Variants in CERS6 observed in about 807,000 individuals in gnomAD.
CERS6 encodes LAG1 homolog, ceramide synthase 6.
Under a neutral mutation model 56.8 loss-of-function variants are expected in CERS6, and 26 were observed. That is an observed-to-expected ratio of 0.46 (90% confidence interval 0.34 to 0.63). The LOEUF is 0.63. CERS6 is among the 30% of genes least tolerant of loss of function. The pLI is 0.01. For synonymous variants in CERS6, 164 were observed against 173.3 expected (o/e 0.95, Z 0.42); for missense variants, 415 against 467.5 (o/e 0.89, Z 1.04).
intron 1 of CERS6, among the ~76,000 whole-genome samples, chr2:168,466,957 T>C (rs2105321469): frequency 6.6e-6 from 1 of 152,360 alleles, no homozygotes; most frequent in South Asian, 2.1e-4. Flanking sequence ...ACATCTTATC[T>C]TTGAGGTTTT....
In CERS6 at chr2:168,644,320, T is replaced by C. The variant is rs940595139; in HGVS notation, c.465+13278T>C. ...GGAGGTGAAGGGGAATAATAGAAAG[T>C]GGTAAGTCTGGAATGTGGGAAGAGT... On this transcript the variant is annotated intron_variant, in intron 4 of 9. Coordinates refer to ENST00000305747, the MANE Select transcript of CERS6 (RefSeq NM_203463.3). The C allele has an allele frequency of 2.4e-5, 24 of 984,570 alleles. No individual in the cohort carries two copies. In the Admixed American group the frequency reaches 8.0e-4, roughly 33 times the overall value. The allele number at this position is 984,570 out of a possible 1,614,324, so 61.0% of individuals were successfully genotyped here.
chr2:168,657,264 A>G (rs1421672668), intron 4 of CERS6, among the ~76,000 whole-genome samples: 1 of 152,128 alleles, frequency 6.6e-6, no homozygotes, highest in Admixed American at 6.5e-5. Flanking sequence ...TGATTGGTGC[A>G]CTCACAAACC....
chr2:168,669,293 A>C (rs769152730), intron 4 of CERS6, among the ~76,000 whole-genome samples: 1 of 152,210 alleles, frequency 6.6e-6, no homozygotes, highest in Non-Finnish European at 1.5e-5. Context: ...GAAAAGGTAG[A>C]TAGCTAAAAA....
intron 8 of CERS6, among the ~76,000 whole-genome samples, chr2:168,733,841 G>A (rs368576051): frequency 2.0e-5 from 3 of 152,152 alleles, no homozygotes; most frequent in Admixed American, 6.6e-5. Flanking sequence ...CATGCGTAAC[G>A]TGGCTTATCG....
At chr2:168,520,102 G>T (rs2105355731) in intron 1 of CERS6, among the ~76,000 whole-genome samples, 1 of 152,256 alleles carries the variant, frequency 6.6e-6, no homozygotes, top group Middle Eastern at 3.4e-3. Context: ...GTTAGTTTTT[G>T]ATTTTTTAAT....
rs563021757 is a variant in CERS6 at position 168,666,878 on chromosome 2, C to A, written c.466-24156C>A. Among the ~76,000 whole-genome samples, 3 of 152,186 alleles carry A rather than the reference C, an allele frequency of 2.0e-5. No homozygotes were observed. In the South Asian group the frequency reaches 6.2e-4, roughly 32 times the overall value. ...TTCATAAACTAAGAAGACACTGTTT[C>A]TCAAGGGCTCAAACGAGTTCTCATG... On this transcript the variant is annotated intron_variant, in intron 4 of 9. Coordinates refer to ENST00000305747, the MANE Select transcript of CERS6 (RefSeq NM_203463.3).
Position 168,773,766 on chromosome 2 carries a change from G to A in CERS6, c.*4104G>A, listed in dbSNP as rs1018374267. ...AATTGTGCCATTGTCAAAGTACCCC[G>A]TAGTGATGAGCACTGACTGGTTCAC... On this transcript the variant is annotated 3_prime_UTR_variant, in exon 10 of 10. Coordinates refer to ENST00000305747, the MANE Select transcript of CERS6 (RefSeq NM_203463.3). The A allele has an allele frequency of 6.6e-6, 1 of 152,186 alleles. No homozygotes were observed. Among genetic ancestry groups the A allele is most frequent in the African/African-American group, 2.4e-5 (1 of 41,440 alleles). The allele number at this position is 152,186 out of a possible 1,614,324, so 9.4% of individuals were successfully genotyped here.
chr2:168,542,721 TG>T (rs1695394957), intron 1 of CERS6, among the ~76,000 whole-genome samples: 1 of 151,214 alleles, frequency 6.6e-6, no homozygotes, highest in Non-Finnish European at 1.5e-5. Flanking sequence ...TTTTTGGAGA[TG>T]GAGTTGTGCT....
At chr2:168,607,511 AG>A (rs1684081066) in intron 3 of CERS6, among the ~76,000 whole-genome samples, 1 of 152,148 alleles carries the variant, frequency 6.6e-6, no homozygotes, top group Non-Finnish European at 1.5e-5. Context: ...CCTCCCAAGT[AG>A]CTGGGATTAC....
At chr2:168,737,437 T>G (rs1174233644) in intron 8 of CERS6, among the ~76,000 whole-genome samples, 1 of 152,230 alleles carries the variant, frequency 6.6e-6, no homozygotes, top group Non-Finnish European at 1.5e-5. Context: ...AAGTGCTACC[T>G]CTTTCAAATT....
chr2:168,474,893 C>T (rs1015577283), intron 1 of CERS6, among the ~76,000 whole-genome samples: 2 of 152,112 alleles, frequency 1.3e-5, no homozygotes, highest in African/African-American at 2.4e-5. Context: ...AATATCTGTC[C>T]TTGTATGGGG....
rs35961972 is a variant in CERS6, at chr2:168,652,575, T to TAA, written c.465+21546_465+21547dup. Among the ~76,000 whole-genome samples, 58 of 139,082 alleles carry TAA rather than the reference T, an allele frequency of 4.2e-4. 1 individual carries two copies. The highest frequency in any genetic ancestry group is 2.4e-3 in the South Asian group (11 of 4,492). 91.2% of individuals were successfully genotyped at this position (139,082 alleles called of 152,430 possible). ...TTTTAAAGCCAAGGGAAAAAAGTGTTAAAAAAAAAAAAAAGGAAAAATTAA... is the reference window on the plus strand; with the variant it reads ...TTTTAAAGCCAAGGGAAAAAAGTGTTAAAAAAAAAAAAAAAAGGAAAAATTAA... On this transcript the variant is annotated intron_variant, in intron 4 of 9. Coordinates refer to ENST00000305747, the MANE Select transcript of CERS6 (RefSeq NM_203463.3).
chr2:168,748,271 T>C (rs1684167274), intron 8 of CERS6, among the ~76,000 whole-genome samples: 1 of 152,214 alleles, frequency 6.6e-6, no homozygotes, highest in Non-Finnish European at 1.5e-5. Flanking sequence ...AACCATTTTA[T>C]TTATGATCAG....
chr2:168,573,529 G>A (rs1489428402), intron 3 of CERS6, among the ~76,000 whole-genome samples: 1 of 152,120 alleles, frequency 6.6e-6, no homozygotes, highest in Non-Finnish European at 1.5e-5. Flanking sequence ...TGATACCCAT[G>A]GGACAAGTGA....
At chr2:168,521,630 G>A (rs568944995) in intron 1 of CERS6, among the ~76,000 whole-genome samples, 4 of 152,294 alleles carry the variant, frequency 2.6e-5, no homozygotes, top group South Asian at 4.2e-4. Context: ...GACGTCTTGG[G>A]TTCTTCTCAC....
At chr2:168,667,812 C>T (rs1685802563) in intron 4 of CERS6, among the ~76,000 whole-genome samples, 1 of 152,114 alleles carries the variant, frequency 6.6e-6, no homozygotes, top group African/African-American at 2.4e-5. Context: ...ATAGTTCTGT[C>T]TAGTATGGGA....
chr2:168,575,783 G>A (rs1162228704), intron 3 of CERS6, among the ~76,000 whole-genome samples: 1 of 152,060 alleles, frequency 6.6e-6, no homozygotes, highest in African/African-American at 2.4e-5. Flanking sequence ...GTGCTGTCAG[G>A]TGGGGCTGCC....
At chr2:168,695,582 C>T (rs941304901) in intron 6 of CERS6, among the ~76,000 whole-genome samples, 1 of 152,184 alleles carries the variant, frequency 6.6e-6, no homozygotes, top group Non-Finnish European at 1.5e-5. Flanking sequence ...GGCTTTCGTC[C>T]TACCAGCTTC....
chr2:168,518,347 A>G (rs1399600946), intron 1 of CERS6, among the ~76,000 whole-genome samples: 3 of 152,216 alleles, frequency 2.0e-5, no homozygotes, highest in Non-Finnish European at 4.4e-5. Flanking sequence ...TATTTGAACT[A>G]CTTATATAGG....
Sources: allele counts gnomAD v4.1 joint callset (sites outside exome capture counted in the v4.1 genomes callset), GRCh38; gene constraint gnomAD v4.1.1; transcripts MANE v1.5; gene names NCBI Gene and HGNC (gene_info 2026-07-23, HGNC 2026-07-21).